RUBCNL: variants seen among roughly 807,000 people sequenced by gnomAD.
RUBCNL encodes the protein protein associated with UVRAG as autophagy enhancer.
In RUBCNL, 62 loss-of-function variants were observed where a neutral mutation model predicts 69.5. That is an observed-to-expected ratio of 0.89 (90% CI 0.73 to 1.10). The LOEUF is 1.10. Among genes scored for constraint, RUBCNL ranks in the 50% least tolerant of loss-of-function variants. RUBCNL has a pLI of 0.00. For synonymous variants in RUBCNL, 291 were observed against 303.6 expected (o/e 0.96, Z 0.43); for missense variants, 768 against 798.1 (o/e 0.96, Z 0.45).
chr13:46,381,727 C>A (rs1211267034), intron 1 of RUBCNL, among the ~76,000 whole-genome samples: 1 of 152,146 alleles, frequency 6.6e-6, no homozygotes, highest in African/African-American at 2.4e-5. Context: ...GGATTACAGG[C>A]ATGCGCCACC....
chr13:46,350,226 C>A lies in RUBCNL; in HGVS notation c.1456G>T (p.Val486Phe). ...LMMWDFKKYY[V>F]SNFSKQLLDS... ...AGCAGCTGTTTGGAGAAATTGCTGA[C>A]GTAGTACTTCTTGAAGTCCCACATC... is the stretch of plus-strand genomic sequence containing the variant. Residue 486 changes from valine to phenylalanine, a missense_variant, in exon 11 of 15, where the codon GTC becomes TTC. By Grantham distance (50) the Val-to-Phe change is conservative. Transcript: ENST00000429979. 2 of 1,593,064 alleles carry A rather than the reference C, an allele frequency of 1.3e-6. No homozygotes were observed. The highest frequency in any genetic ancestry group is 2.3e-5 in the East Asian group (1 of 44,066).
chr13:46,351,773 C>T (rs1208937090), intron 10 of RUBCNL, among the ~76,000 whole-genome samples: 1 of 151,668 alleles, frequency 6.6e-6, no homozygotes, highest in Non-Finnish European at 1.5e-5. Flanking sequence ...CACCAAAAAG[C>T]CAACAGTGAC....
Position 46,337,768 on chromosome 13 carries a change from T to C in RUBCNL, c.*5617A>G, listed in dbSNP as rs950370250. ...ACTGTAGGAACCAGCCCCACAAAAA[T>C]CTCAGGAACTGAACAAAATAAAGGT... is the stretch of plus-strand genomic sequence containing the variant. On this transcript the variant is annotated 3_prime_UTR_variant, in exon 15 of 15. Transcript: ENST00000429979. Among the ~76,000 whole-genome samples the C allele has an allele frequency of 2.0e-5, 3 of 152,078 alleles. No individual in the cohort carries two copies. The highest frequency in any genetic ancestry group is 2.9e-5 in the Non-Finnish European group (2 of 68,002).
At chr13:46,361,934 A>G (rs1026266887) in intron 7 of RUBCNL, among the ~76,000 whole-genome samples, 1 of 152,120 alleles carries the variant, frequency 6.6e-6, no homozygotes, top group East Asian at 1.9e-4. Context: ...TTAAAAATAC[A>G]TAAATATATG....
chr13:46,372,810 A>G (rs1384247930), intron 2 of RUBCNL, among the ~76,000 whole-genome samples: 1 of 152,194 alleles, frequency 6.6e-6, no homozygotes, highest in African/African-American at 2.4e-5. Flanking sequence ...TGGGAGAGGA[A>G]ACATTCTTCA....
chr13:46,371,797 T>C (rs1188355973), intron 3 of RUBCNL, 144 bp downstream of exon 3: 2 of 788,314 alleles, frequency 2.5e-6, no homozygotes, highest in Non-Finnish European at 4.0e-6. Flanking sequence ...TCACCTGTTG[T>C]GACCGCCCAG....
intron 10 of RUBCNL, among the ~76,000 whole-genome samples, chr13:46,355,727 A>ATTT (rs2048469993): frequency 6.6e-6 from 1 of 152,240 alleles, no homozygotes; most frequent in South Asian, 2.1e-4. Context: ...TATCTTTTGA[A>ATTT]GACCTACTAT....
intron 14 of RUBCNL, 149 bp from the exon 15 acceptor site, chr13:46,343,646 G>A (rs1225350757): frequency 2.1e-5 from 15 of 718,064 alleles, no homozygotes; most frequent in South Asian, 5.9e-5. Flanking sequence ...TGAAACGCAC[G>A]TTTCAGCAGG....
At chr13:46,364,171 G>A (rs762335591) in intron 5 of RUBCNL, among the ~76,000 whole-genome samples, 18 of 151,866 alleles carry the variant, frequency 1.2e-4, no homozygotes, top group East Asian at 1.9e-4. Flanking sequence ...TGAGGCAGGC[G>A]GATCACAAGG....
At chr13:46,377,326 C>T (rs560707841) in intron 2 of RUBCNL, among the ~76,000 whole-genome samples, 5 of 152,292 alleles carry the variant, frequency 3.3e-5, no homozygotes, top group Admixed American at 3.3e-4. Flanking sequence ...TGCAGTGGCA[C>T]GATCTCGGCT....
chr13:46,366,665 T>C (rs1411676545), intron 5 of RUBCNL, among the ~76,000 whole-genome samples: 2 of 152,238 alleles, frequency 1.3e-5, no homozygotes, highest in Non-Finnish European at 2.9e-5. Flanking sequence ...TTATTGAGTA[T>C]TCCTGATTAA....
chr13:46,359,632 C>A lies in RUBCNL; in HGVS notation c.1120-1G>T. On this transcript the variant is annotated splice_acceptor_variant, in intron 8 of 14. Coordinates refer to ENST00000429979, the MANE Select transcript of RUBCNL (RefSeq NM_025113.5). LOFTEE classifies it high-confidence loss of function. ...TTCGGACACACTCTTCATTTACGAC[C>A]TGCATAAGACATAAAATGATTTAGG... is the stretch of plus-strand genomic sequence containing the variant. 6.4e-7 allele frequency: 1 copy of A among 1,567,506 alleles called. No homozygotes were observed. The highest frequency in any genetic ancestry group is 8.7e-7 in the Non-Finnish European group (1 of 1,154,878).
intron 4 of RUBCNL, 187 bp from the exon 5 acceptor site, chr13:46,368,436 C>A (rs1233433611): frequency 2.0e-6 from 2 of 984,514 alleles, no homozygotes; most frequent in East Asian, 1.1e-4. Context: ...GACATAGATT[C>A]GGCTTACTAT....
At chr13:46,366,493 G>A (rs1247526458) in intron 5 of RUBCNL, among the ~76,000 whole-genome samples, 2 of 152,232 alleles carry the variant, frequency 1.3e-5, no homozygotes, top group Non-Finnish European at 2.9e-5. Context: ...ATGTGTCCCA[G>A]ATATATTTCC....
intron 12 of RUBCNL, 48 bp from the exon 13 acceptor site, chr13:46,345,648 G>C (rs768062232): frequency 6.3e-7 from 1 of 1,585,526 alleles, no homozygotes; most frequent in South Asian, 1.1e-5. Context: ...CCCACACAGA[G>C]GACAGGGAAG....
At chr13:46,372,966 T>C (rs1369167354) in intron 2 of RUBCNL, among the ~76,000 whole-genome samples, 1 of 151,814 alleles carries the variant, frequency 6.6e-6, no homozygotes, top group African/African-American at 2.4e-5. Context: ...ATTTCCACAT[T>C]TTCTTTCTTT....
In RUBCNL at chr13:46,344,814, G is replaced by A. The variant is rs1381381497; in HGVS notation, c.1803C>T (p.Gly601=). The A allele has an allele frequency of 6.2e-7, 1 of 1,611,014 alleles. No homozygotes were observed. ...TATTCTGGCAAAATTCACAAATAAA[G>A]CCCTTTCCTTGACACAGCTGTAAAA... ...VAGCELCQGK[G]FICEFCQNTT... is the part of the protein sequence containing the mutation. Residue 601 remains glycine (G), a synonymous_variant, in exon 14 of 15, where the codon GGC becomes GGT. Transcript: ENST00000429979.
At chr13:46,384,149 G>A (rs1035471061) in intron 1 of RUBCNL, among the ~76,000 whole-genome samples, 3 of 152,284 alleles carry the variant, frequency 2.0e-5, no homozygotes, top group South Asian at 2.1e-4. Flanking sequence ...GTCATGGGAC[G>A]AATAAAATGA....
In RUBCNL at chr13:46,340,110, T is replaced by C. The variant is rs2048131389; in HGVS notation, c.*3275A>G. On this transcript the variant is annotated 3_prime_UTR_variant, in exon 15 of 15. Coordinates refer to ENST00000429979, the MANE Select transcript of RUBCNL (RefSeq NM_025113.5). Reference sequence around the variant, plus strand: ...TCTTCCCTGCATCTTCTCTCTTCTCTCAATTTCCCTTTTCTTATAAGGACA... The same window carrying C: ...TCTTCCCTGCATCTTCTCTCTTCTCCCAATTTCCCTTTTCTTATAAGGACA... Among the ~76,000 whole-genome samples, 1 of 151,986 alleles carries C rather than the reference T, an allele frequency of 6.6e-6. No homozygotes were observed. The highest frequency in any genetic ancestry group is 1.5e-5 in the Non-Finnish European group (1 of 68,002).
Sources: gnomAD v4.1 joint callset for allele counts (sites outside exome capture counted in the v4.1 genomes callset) on GRCh38, gnomAD v4.1.1 for gene constraint, MANE v1.5 for transcripts, NCBI Gene and HGNC (gene_info 2026-07-23, HGNC 2026-07-21) for gene names.